CCDC73: variants seen among roughly 807,000 people sequenced by gnomAD.
CCDC73 encodes the protein coiled-coil domain containing 73, also known as coiled-coil domain-containing protein 73.
In CCDC73, 95 loss-of-function variants were observed where a neutral mutation model predicts 116.5. The observed-to-expected ratio is 0.82, with a 90% CI of 0.69 to 0.97. CCDC73 has a LOEUF of 0.97. CCDC73 is among the 50% of genes least tolerant of loss of function. The pLI is 0.00. For missense variants in CCDC73, 1,066 were observed against 1,206.8 expected (o/e 0.88, Z 1.73); for synonymous variants, 398 against 401.3 (o/e 0.99, Z 0.10).
intron 6 of CCDC73, among the ~76,000 whole-genome samples, chr11:32,687,936 A>C (rs1856218070): frequency 6.6e-6 from 1 of 152,194 alleles, no homozygotes; most frequent in Admixed American, 6.5e-5. Context: ...ATACTCAGCA[A>C]CCAGCTTGAA....
chr11:32,688,119 C>A (rs577625647), intron 6 of CCDC73, among the ~76,000 whole-genome samples: 10 of 152,252 alleles, frequency 6.6e-5, no homozygotes, highest in African/African-American at 2.2e-4. Flanking sequence ...CTTCACAAAA[C>A]ACGCTGATTA....
At chr11:32,639,155 A>AC (rs35315650) in intron 13 of CCDC73, among the ~76,000 whole-genome samples, 38,330 of 148,152 alleles carry the variant, frequency 0.26, 5,355 homozygotes, top group South Asian at 0.35. Context: ...CTTCCCCGAC[A>AC]CCCCCCCCAA....
chr11:32,700,048 CTTA>C, intron 5 of CCDC73, among the ~76,000 whole-genome samples: 1 of 151,652 alleles, frequency 6.6e-6, no homozygotes, highest in Non-Finnish European at 1.5e-5. Context: ...AATAGAATGT[CTTA>C]TTATAATGAC....
In CCDC73 at chr11:32,698,010, A is replaced by AT. The variant is rs1849771437; in HGVS notation, c.390+1240_390+1241insA. The stretch of plus-strand genomic sequence containing the variant: ...TCTGTTGTTTCTTTGTCTAACACTG[A>AT]ATTTTTTTTTTTTTTTTTTTTTTTT... On this transcript the variant is annotated intron_variant, in intron 6 of 17. Coordinates refer to ENST00000335185, the MANE Select transcript of CCDC73 (RefSeq NM_001008391.4). Among the ~76,000 whole-genome samples, 41 of 117,738 alleles carry AT rather than the reference A, an allele frequency of 3.5e-4. 1 individual carries two copies. Among genetic ancestry groups the AT allele is most frequent in the African/African-American group, 6.7e-4 (20 of 29,958 alleles). 77.2% of individuals were successfully genotyped at this position (117,738 alleles called of 152,430 possible).
intron 1 of CCDC73, among the ~76,000 whole-genome samples, chr11:32,785,056 C>T (rs1479822116): frequency 6.6e-6 from 1 of 152,068 alleles, no homozygotes; most frequent in African/African-American, 2.4e-5. Flanking sequence ...ATCCCAGCTA[C>T]TTGGGAGGCT....
upstream of CCDC73, among the ~76,000 whole-genome samples, chr11:32,796,917 C>T (rs112152924): frequency 0.1 from 15,235 of 146,288 alleles, 1,040 homozygotes; most frequent in Non-Finnish European, 0.16. Flanking sequence ...GACGCTGAGG[C>T]GTAAGAATCG....
chr11:32,708,178 T>C (rs12366254), intron 3 of CCDC73, among the ~76,000 whole-genome samples: 48,091 of 152,012 alleles, frequency 0.32, 7,808 homozygotes, highest in African/African-American at 0.36. Context: ...CTTCACTTTA[T>C]GTTTTCATTT....
the CCDC73 span, among the ~76,000 whole-genome samples, chr11:32,805,060 C>A: frequency 6.6e-6 from 1 of 152,182 alleles, no homozygotes; most frequent in African/African-American, 2.4e-5. Context: ...TCTATCTCTG[C>A]AATCATTGAT....
chr11:32,734,732 A>G (rs1442157965), intron 2 of CCDC73, among the ~76,000 whole-genome samples: 1 of 152,058 alleles, frequency 6.6e-6, no homozygotes, highest in East Asian at 1.9e-4. Flanking sequence ...AGAATTTTAG[A>G]CCAATACTCC....
At chr11:32,674,203 G>T (rs1168842227) in intron 9 of CCDC73, among the ~76,000 whole-genome samples, 1 of 152,138 alleles carries the variant, frequency 6.6e-6, no homozygotes, top group Non-Finnish European at 1.5e-5. Flanking sequence ...CAAATTAAGT[G>T]CATTTTAAAT....
intron 2 of CCDC73, chr11:32,758,679 A>C (rs1476866203): frequency 8.7e-6 from 2 of 231,174 alleles, no homozygotes; most frequent in African/African-American, 4.5e-5. Flanking sequence ...TCTAATCTGA[A>C]ATTTTTCAGA....
intron 1 of CCDC73, among the ~76,000 whole-genome samples, chr11:32,776,989 G>GTATGTATATATATATA (rs1850541022): frequency 9.9e-6 from 1 of 101,128 alleles, no homozygotes; most frequent in Non-Finnish European, 2.0e-5. Context: ...ATATACACAT[G>GTATGTATATATATATA]TATATATATA....
intron 12 of CCDC73, among the ~76,000 whole-genome samples, chr11:32,647,467 G>A (rs1257681327): frequency 6.6e-6 from 1 of 152,132 alleles, no homozygotes; most frequent in Non-Finnish European, 1.5e-5. Flanking sequence ...GATTTGGGTG[G>A]ATAAATATCT....
intron 2 of CCDC73, among the ~76,000 whole-genome samples, chr11:32,737,831 C>A (rs1850149157): frequency 6.6e-6 from 1 of 151,968 alleles, no homozygotes; most frequent in Non-Finnish European, 1.5e-5. Context: ...CAGCTCACCC[C>A]TAACCCCACT....
chr11:32,624,003 A>C (rs1855545991), intron 14 of CCDC73, among the ~76,000 whole-genome samples: 1 of 152,150 alleles, frequency 6.6e-6, no homozygotes, highest in Admixed American at 6.5e-5. Context: ...AAACTGGTAC[A>C]ACATTTCCGG....
At chr11:32,752,134 C>T (rs1054281646) in intron 2 of CCDC73, among the ~76,000 whole-genome samples, 2 of 152,060 alleles carry the variant, frequency 1.3e-5, no homozygotes, top group African/African-American at 2.4e-5. Context: ...GAGAAAAAGC[C>T]CCAGTGTGAG....
the CCDC73 span, among the ~76,000 whole-genome samples, chr11:32,801,640 C>CA: frequency 1.2e-3 from 157 of 130,240 alleles, no homozygotes; most frequent in African/African-American, 2.8e-3. Flanking sequence ...GACTCCATCT[C>CA]AAAAAAAAAA....
chr11:32,797,964 G>T (rs1345138291), upstream of CCDC73, among the ~76,000 whole-genome samples: 1 of 152,172 alleles, frequency 6.6e-6, no homozygotes, highest in East Asian at 1.9e-4. Flanking sequence ...TGCCACACTG[G>T]ACTTCACATG....
chr11:32,654,882 C>T lies in CCDC73; in HGVS notation c.736G>A (p.Glu246Lys), dbSNP rs1855857022. The change falls in exon 10 of 18, where the codon GAA (glutamate) becomes AAA (lysine). Residue 246 changes from glutamate (E) to lysine (K), a missense_variant. Glu to Lys is a moderately conservative substitution (Grantham distance 56). Transcript: ENST00000335185. ...GEENINLTIK[E>K]QKFQELQERL... is the part of the protein sequence containing the mutation. ...TCTTGAAGTTCTTGAAATTTTTGTT[C>T]TTTAATTGTTAGATTGATGTTTTCT... is the stretch of plus-strand genomic sequence containing the variant. 20 of 1,595,438 alleles carry T rather than the reference C, an allele frequency of 1.3e-5. No homozygotes were observed. The East Asian group carries it at 4.5e-4, about 36-fold the overall frequency.
Sources: allele counts gnomAD v4.1 joint callset (sites outside exome capture counted in the v4.1 genomes callset), GRCh38; gene constraint gnomAD v4.1.1; transcripts MANE v1.5; gene names NCBI Gene and HGNC (gene_info 2026-07-23, HGNC 2026-07-21).